The following HGFAC variants were observed in gnomAD, a reference collection of about 807,000 sequenced individuals.
HGFAC encodes hepatocyte growth factor activator serine protease.
A neutral mutation model predicts 70.6 loss-of-function variants in HGFAC; 76 were observed. That is an observed-to-expected ratio of 1.08 (90% confidence interval 0.89 to 1.30). The LOEUF (loss-of-function observed/expected upper bound fraction) is 1.30, where lower values mean the gene tolerates loss of function less well. Ranked by LOEUF, HGFAC falls within the 50% of genes most tolerant of loss-of-function variation. The pLI is 0.00. For missense variants in HGFAC, 1,044 were observed against 933.7 expected (o/e 1.12, Z -1.54); for synonymous variants, 464 against 405.3 (o/e 1.14, Z -1.74).
intron 10 of HGFAC, 141 bp downstream of exon 10, chr4:3,446,435 C>A: frequency 9.5e-7 from 1 of 1,049,224 alleles, no homozygotes; most frequent in Non-Finnish European, 1.4e-6. Flanking sequence ...GTAACCCTCT[C>A]TGACCCCTCT....
intron 9 of HGFAC, 123 bp downstream of exon 9, chr4:3,445,473 C>A: frequency 2.7e-6 from 2 of 745,350 alleles, no homozygotes; most frequent in Non-Finnish European, 2.3e-6. Flanking sequence ...GAAACTGGAG[C>A]TCACGGGATC....
chr4:3,444,795 G>T (rs753278072), intron 7 of HGFAC, 24 bp from the exon 8 acceptor site: 21 of 1,582,564 alleles, frequency 1.3e-5, no homozygotes, highest in Non-Finnish European at 1.8e-5. Context: ...CCGTGGGCCG[G>T]CCTCACTGCC....
upstream of HGFAC, chr4:3,441,768 C>A (rs985755794): frequency 6.6e-6 from 3 of 454,572 alleles, no homozygotes; most frequent in Non-Finnish European, 1.1e-5. The surrounding 1 kb of genome is among the most constrained non-coding windows in gnomAD (Gnocchi z 6.0). Flanking sequence ...CATGTCAGGT[C>A]TAGGACTAGG....
At chr4:3,442,234 T>A in intron 1 of HGFAC, 116 bp downstream of exon 1, 1 of 758,242 alleles carries the variant, frequency 1.3e-6, no homozygotes, top group Non-Finnish European at 2.1e-6. Context: ...GGGGCGGGGG[T>A]CCGAGCAGGG....
At chr4:3,442,687 G>A (rs770750210) in intron 1 of HGFAC, 45 bp from the exon 2 acceptor site, 15 of 1,355,464 alleles carry the variant, frequency 1.1e-5, no homozygotes, top group Admixed American at 2.8e-5. Flanking sequence ...CAGGACCTGA[G>A]TGTGAGGGTC....
rs544483183 is a variant in HGFAC, at chr4:3,442,309, C to A, written c.117+191C>A. Among the ~76,000 whole-genome samples, 13 of 152,328 alleles carry A rather than the reference C, an allele frequency of 8.5e-5. No individual in the cohort carries two copies. The East Asian group carries it at 2.3e-3, about 27-fold the overall frequency. On this transcript the variant is annotated intron_variant, in intron 1 of 13. Transcript: ENST00000382774. Reference sequence around the variant, plus strand: ...GCTGGACTGGCCTTGGAGGCTGGGGCCTGGGCTCACGGAGCCCCACCTGGG... The same window carrying A: ...GCTGGACTGGCCTTGGAGGCTGGGGACTGGGCTCACGGAGCCCCACCTGGG...
chr4:3,449,179 AG>A (rs1035886371), intron 13 of HGFAC, 57 bp from the exon 14 acceptor site: 225 of 1,504,928 alleles, frequency 1.5e-4, no homozygotes, highest in Non-Finnish European at 1.9e-4. Context: ...CTTGGGGGAG[AG>A]GGGGGTCCCT....
chr4:3,444,285 G>A, intron 5 of HGFAC, 26 bp from the exon 6 acceptor site: 1 of 1,574,812 alleles, frequency 6.3e-7, no homozygotes, highest in Non-Finnish European at 8.6e-7. Flanking sequence ...GTGGCAGGGT[G>A]TGAGGGCTTA....
At chr4:3,442,251 C>G (rs1325682437) in intron 1 of HGFAC, 133 bp downstream of exon 1, 2 of 662,960 alleles carry the variant, frequency 3.0e-6, no homozygotes, top group African/African-American at 1.9e-5. Flanking sequence ...AGGGGGCTTA[C>G]GTTGAAAGCT....
chr4:3,448,512 GA>G (rs1725612127), intron 13 of HGFAC, among the ~76,000 whole-genome samples: 1 of 152,220 alleles, frequency 6.6e-6, no homozygotes, highest in Admixed American at 6.5e-5. Context: ...CAGGCTCTGA[GA>G]GGGGCCTGGG....
chr4:3,449,393 C>G lies in HGFAC; in HGVS notation c.1942C>G (p.Pro648Ala), dbSNP rs148123448. ...VDWINDRIRPPRRLVAPS is the reference protein window; with the variant it reads ...VDWINDRIRPARRLVAPS Reference sequence around the variant, plus strand: ...CTGGATCAACGACCGGATACGGCCTCCCAGGCGGCTTGTGGCTCCCTCCTG... The same window carrying G: ...CTGGATCAACGACCGGATACGGCCTGCCAGGCGGCTTGTGGCTCCCTCCTG... Residue 648 changes from proline to alanine, a missense_variant, in exon 14 of 14, where the codon CCC becomes GCC. By Grantham distance (27) the Pro-to-Ala change is conservative (BLOSUM62 -1). Transcript: ENST00000382774. The G allele has an allele frequency of 6.4e-7, 1 of 1,569,824 alleles. No homozygotes were observed. Among genetic ancestry groups the G allele is most frequent in the Non-Finnish European group, 8.7e-7 (1 of 1,154,046 alleles).
At chr4:3,445,436 C>T (rs1328654875) in intron 9 of HGFAC, 86 bp downstream of exon 9, 9 of 899,048 alleles carry the variant, frequency 1.0e-5, no homozygotes, top group Non-Finnish European at 1.6e-5. Context: ...CTCCGCACAC[C>T]TGGCTACTGC....
Position 3,443,101 on chromosome 4 carries a change from G to A in HGFAC, c.350G>A (p.Arg117His), listed in dbSNP as rs554424799. The A allele has an allele frequency of 7.5e-6, 12 of 1,594,364 alleles. No homozygotes were observed. The East Asian group carries it at 1.1e-4, about 15-fold the overall frequency. The change falls in exon 3 of 14, where the codon CGC (arginine) becomes CAC (histidine). Residue 117 changes from arginine (R) to histidine (H), a missense_variant. Arg to His is a conservative substitution (Grantham distance 29). Transcript: ENST00000382774. ...AGGTTCCCCTTCCGCTACGGGGGCC[G>A]CATGCTGCATGCCTGCACTTCGGAG... is the stretch of plus-strand genomic sequence containing the variant. Reference protein sequence around the residue: ...PCRFPFRYGGRMLHACTSEGS... With the variant: ...PCRFPFRYGGHMLHACTSEGS...
chr4:3,443,887 G>C (rs754388938), intron 4 of HGFAC, 152 bp from the exon 5 acceptor site: 85 of 815,388 alleles, frequency 1.0e-4, no homozygotes, highest in Non-Finnish European at 1.5e-4. Context: ...GCCCCTCCCA[G>C]GGACCTTGCA....
chr4:3,444,489 C>T, intron 6 of HGFAC, 47 bp downstream of exon 6: 1 of 1,539,314 alleles, frequency 6.5e-7, no homozygotes, highest in South Asian at 1.3e-5. Context: ...GACGGGTGTC[C>T]CTGTCCACAC....
chr4:3,441,999 GC>G lies in HGFAC; in HGVS notation c.-1del. 1.3e-6 allele frequency: 2 copies of G among 1,483,216 alleles called. No individual in the cohort carries two copies. The highest frequency in any genetic ancestry group is 1.8e-6 in the Non-Finnish European group (2 of 1,127,182). The allele number at this position is 1,483,216 out of a possible 1,614,324, so 91.9% of individuals were successfully genotyped here. On this transcript the variant is annotated 5_prime_UTR_variant, in exon 1 of 14. Transcript: ENST00000382774. The surrounding 1 kb of genome is among the most constrained non-coding windows in gnomAD (Gnocchi z 6.0). ...CACTGCCCCTCAGGCCAGCTCAGGA[GC>G]CATGGGGCGCTGGGCCTGGGTCCCC...
intron 7 of HGFAC, 32 bp from the exon 8 acceptor site, chr4:3,444,787 G>T: frequency 6.3e-7 from 1 of 1,579,392 alleles, no homozygotes; most frequent in South Asian, 1.2e-5. Flanking sequence ...TGGACCCACC[G>T]TGGGCCGGCC....
At position 3,448,996 on chromosome 4, in the gene HGFAC, T is replaced by G. The variant is rs140940992; in HGVS notation, c.1786-241T>G. ...GGTGGCTGTGTGGTCCACACAGGGT[T>G]CATGCTGGTGGGGAGAGGGGGACCG... On this transcript the variant is annotated intron_variant, in intron 13 of 13. Coordinates refer to ENST00000382774, the MANE Select transcript of HGFAC (RefSeq NM_001528.4). 3.7e-3 allele frequency among the ~76,000 whole-genome samples: 565 copies of G among 152,224 alleles called. 3 individuals are homozygous for G. The highest frequency in any genetic ancestry group is 0.013 in the African/African-American group (535 of 41,530).
chr4:3,447,700 CAG>C (rs1404270062), intron 11 of HGFAC, 69 bp downstream of exon 11: 33 of 1,593,620 alleles, frequency 2.1e-5, no homozygotes, highest in African/African-American at 1.6e-4. Context: ...CAGGCCCAGA[CAG>C]GGGCAGGAGC....
Sources: gnomAD v4.1 joint callset for allele counts (sites outside exome capture counted in the v4.1 genomes callset) on GRCh38, gnomAD v4.1.1 for gene constraint, Gnocchi (gnomAD v3.1) non-coding constraint, MANE v1.5 for transcripts, NCBI Gene and HGNC (gene_info 2026-07-23, HGNC 2026-07-21) for gene names.